DRICH1: variants seen among roughly 807,000 people sequenced by gnomAD.
DRICH1 encodes aspartate rich 1.
DRICH1 carries 38 observed loss-of-function variants against 39.5 expected under a neutral mutation model. The observed-to-expected ratio is 0.96, with a 90% confidence interval of 0.74 to 1.26. The LOEUF is 1.26. Ranked by LOEUF, DRICH1 falls within the 50% of genes most tolerant of loss-of-function variation. The pLI is 0.00. For synonymous variants in DRICH1, 84 were observed against 99.5 expected (o/e 0.84, Z 0.93); for missense variants, 279 against 270.4 (o/e 1.03, Z -0.22).
intron 6 of DRICH1, among the ~76,000 whole-genome samples, chr22:23,619,108 G>A (rs1330065982): frequency 6.7e-6 from 1 of 149,990 alleles, no homozygotes. Flanking sequence ...GAAGGCAGAG[G>A]TGGCAGTGAG....
At chr22:23,610,767 A>T (rs1440260948) in intron 11 of DRICH1, among the ~76,000 whole-genome samples, 1 of 151,820 alleles carries the variant, frequency 6.6e-6, no homozygotes, top group African/African-American at 2.4e-5. Context: ...CATAGAACAC[A>T]TCAACTATTT....
the DRICH1 span, among the ~76,000 whole-genome samples, chr22:23,601,146 G>GCACA: frequency 0.017 from 2,526 of 146,184 alleles, 41 homozygotes; most frequent in East Asian, 0.05. Flanking sequence ...ACGCACGCGC[G>GCACA]CACACACACA....
intron 6 of DRICH1, among the ~76,000 whole-genome samples, chr22:23,618,375 A>G (rs1357474572): frequency 6.6e-6 from 1 of 152,002 alleles, no homozygotes; most frequent in African/African-American, 2.4e-5. Context: ...CGGCCTCCCA[A>G]AGTGCTGGGA....
the DRICH1 span, among the ~76,000 whole-genome samples, chr22:23,595,894 C>G: frequency 2.4e-3 from 362 of 152,124 alleles, 1 homozygote; most frequent in South Asian, 8.9e-3. Context: ...CCCTAGGACT[C>G]TCCATGGGGG....
chr22:23,591,000 G>A, the DRICH1 span, among the ~76,000 whole-genome samples: 1 of 152,138 alleles, frequency 6.6e-6, no homozygotes, highest in Non-Finnish European at 1.5e-5. Context: ...CCCTGCACTC[G>A]GAGCATGCTC....
At chr22:23,593,839 G>A in the DRICH1 span, among the ~76,000 whole-genome samples, 2 of 151,800 alleles carry the variant, frequency 1.3e-5, no homozygotes, top group Admixed American at 6.6e-5. Context: ...TTAGCCGGGC[G>A]TGGTGGCGCA....
chr22:23,611,796 ATTAC>A (rs1215568786), intron 11 of DRICH1, among the ~76,000 whole-genome samples: 1 of 152,172 alleles, frequency 6.6e-6, no homozygotes, highest in African/African-American at 2.4e-5. Flanking sequence ...GGCGCAGTGC[ATTAC>A]TTACGTGTCT....
At chr22:23,627,067 G>A (rs1928108365) in intron 1 of DRICH1, among the ~76,000 whole-genome samples, 1 of 131,294 alleles carries the variant, frequency 7.6e-6, no homozygotes. Flanking sequence ...ATGAGGTTCT[G>A]ATTTTTTTTT....
intron 7 of DRICH1, 71 bp downstream of exon 7, chr22:23,617,504 T>C (rs1178825193): frequency 6.5e-7 from 1 of 1,544,820 alleles, no homozygotes; most frequent in East Asian, 2.2e-5. Flanking sequence ...TCTTTGGGAT[T>C]GGATTGGTGA....
chr22:23,613,013 C>G (rs1051742398), intron 11 of DRICH1, among the ~76,000 whole-genome samples: 6 of 151,664 alleles, frequency 4.0e-5, no homozygotes, highest in African/African-American at 1.2e-4. Context: ...GTTGACTAAT[C>G]CAAACCAAAG....
At chr22:23,584,827 C>T in the DRICH1 span, among the ~76,000 whole-genome samples, 2 of 152,120 alleles carry the variant, frequency 1.3e-5, no homozygotes, top group Non-Finnish European at 2.9e-5. Flanking sequence ...GACAGGGTCT[C>T]ACTCTGTTGC....
downstream of DRICH1, among the ~76,000 whole-genome samples, chr22:23,605,820 C>G (rs1339373704): frequency 6.6e-6 from 1 of 151,960 alleles, no homozygotes; most frequent in East Asian, 1.9e-4. Context: ...TGGGCTCATG[C>G]CTGTAATCCC....
At position 23,632,310 on chromosome 22, in the gene DRICH1, G is replaced by C; in HGVS notation, c.-287C>G. On this transcript the variant is annotated 5_prime_UTR_variant, in exon 1 of 12. Transcript: ENST00000317749. ...TTGGAGCTCCTCCTCCCTCCACTGC[G>C]AGCTACTGACTGAGGGCTGCTGGCC... 2.2e-6 allele frequency: 1 copy of C among 454,010 alleles called. No individual in the cohort carries two copies. The highest frequency in any genetic ancestry group is 4.0e-6 in the Non-Finnish European group (1 of 248,734). The allele number at this position is 454,010 out of a possible 1,614,324, so 28.1% of individuals were successfully genotyped here.
intron 5 of DRICH1, 146 bp downstream of exon 5, chr22:23,620,448 G>T (rs1472977998): frequency 6.5e-6 from 6 of 929,722 alleles, no homozygotes; most frequent in African/African-American, 1.6e-5. Flanking sequence ...CATTTCTACA[G>T]CCCCTCTGCT....
chr22:23,622,406 C>G (rs1463863705), intron 3 of DRICH1, among the ~76,000 whole-genome samples: 4 of 152,190 alleles, frequency 2.6e-5, no homozygotes, highest in Admixed American at 2.0e-4. Flanking sequence ...CAACACAAAA[C>G]AGTCAACCCC....
At chr22:23,596,208 T>C in the DRICH1 span, among the ~76,000 whole-genome samples, 2 of 152,224 alleles carry the variant, frequency 1.3e-5, no homozygotes, top group African/African-American at 4.8e-5. Context: ...TTCTCTTTCC[T>C]GTGAGGCCAG....
In DRICH1 at chr22:23,617,026, A is replaced by G. The variant is rs910122557; in HGVS notation, c.520-152T>C. The stretch of plus-strand genomic sequence containing the variant: ...GACCAAACATTCTAGCATAGAGGAC[A>G]TGTGTGGAAAAGACAAGAGCTTTTC... On this transcript the variant is annotated intron_variant, in intron 7 of 11. Coordinates refer to ENST00000317749, the MANE Select transcript of DRICH1 (RefSeq NM_016449.4). 4 of 881,492 alleles carry G rather than the reference A, an allele frequency of 4.5e-6. No individual in the cohort carries two copies. In the African/African-American group the frequency reaches 5.1e-5, roughly 11 times the overall value. The allele number at this position is 881,492 out of a possible 1,614,324, so 54.6% of individuals were successfully genotyped here. A position where few individuals can be genotyped will look rare whatever the true frequency, so the allele number is the denominator to read the frequency against.
chr22:23,581,100 G>A, the DRICH1 span: 1 of 152,318 alleles, frequency 6.6e-6, no homozygotes, highest in East Asian at 1.9e-4. Flanking sequence ...TGCTTTTGTA[G>A]TGAGAACATG....
intron 5 of DRICH1, 129 bp downstream of exon 5, chr22:23,620,465 T>C: frequency 9.2e-7 from 1 of 1,085,922 alleles, no homozygotes. Flanking sequence ...TGCTCATAGT[T>C]ATACACTTGC....
Sources: gnomAD v4.1 joint callset for allele counts (sites outside exome capture counted in the v4.1 genomes callset) on GRCh38, gnomAD v4.1.1 for gene constraint, MANE v1.5 for transcripts, NCBI Gene and HGNC (gene_info 2026-07-23, HGNC 2026-07-21) for gene names.